ALDH9A1: variants seen among roughly 807,000 people sequenced by gnomAD.
The protein encoded by ALDH9A1 is aldehyde dehydrogenase 9 family member A1.
ALDH9A1 carries 42 observed loss-of-function variants against 56.6 expected under a neutral mutation model. The observed-to-expected ratio is 0.74, with a 90% confidence interval of 0.58 to 0.96. ALDH9A1 has a LOEUF of 0.96. Among genes scored for constraint, ALDH9A1 ranks in the 40% least tolerant of loss-of-function variants. The pLI is 0.00. For missense variants in ALDH9A1, 661 were observed against 651.5 expected (o/e 1.01, Z -0.16); for synonymous variants, 242 against 236.0 (o/e 1.03, Z -0.23).
chr1:165,695,188 C>A, intron 2 of ALDH9A1, 64 bp downstream of exon 2: 1 of 1,497,272 alleles, frequency 6.7e-7, no homozygotes, highest in Non-Finnish European at 8.9e-7. Flanking sequence ...AGTCGAACTG[C>A]AAACATCACA....
intron 6 of ALDH9A1, among the ~76,000 whole-genome samples, chr1:165,675,550 G>T (rs984861166): frequency 6.6e-6 from 1 of 152,176 alleles, no homozygotes; most frequent in Admixed American, 6.5e-5. Flanking sequence ...AAACTGGGTG[G>T]GAAGGAGGCA....
chr1:165,664,954 T>C, intron 10 of ALDH9A1, 64 bp downstream of exon 10: 9 of 1,270,726 alleles, frequency 7.1e-6, no homozygotes, highest in Non-Finnish European at 1.0e-5. Flanking sequence ...TACTGGTTTA[T>C]AAGGTCTGAA....
At position 165,698,537 on chromosome 1, in the gene ALDH9A1, C is replaced by A. The variant is rs776047033; in HGVS notation, c.22G>T (p.Ala8Ser). 6.2e-6 allele frequency: 10 copies of A among 1,609,266 alleles called. No individual in the cohort carries two copies. The highest frequency in any genetic ancestry group is 7.6e-6 in the Non-Finnish European group (9 of 1,178,476). The change falls in exon 1 of 11, where the codon GCC becomes TCC. Residue 8 changes from alanine to serine, a missense_variant. Ala to Ser is a moderately conservative substitution (Grantham distance 99). Transcript: ENST00000354775. ...CTGCGAAGAAGCGGGGAGAGCGCGGCCAGGCCTGCTCGGAGAAACATGAGT... is the reference window on the plus strand; with the variant it reads ...CTGCGAAGAAGCGGGGAGAGCGCGGACAGGCCTGCTCGGAGAAACATGAGT... MFLRAGLAALSPLLRSLR... is the reference protein window; with the variant it reads MFLRAGLSALSPLLRSLR...
chr1:165,683,581 GA>G lies in ALDH9A1; in HGVS notation c.328-472del, dbSNP rs1649621470. Among the ~76,000 whole-genome samples, 4 of 152,294 alleles carry G rather than the reference GA, an allele frequency of 2.6e-5. No homozygotes were observed. In the South Asian group the frequency reaches 8.3e-4, roughly 32 times the overall value. ...GTATGTTTGCTCATATATGGTAAGA[GA>G]AAACAGTTCTTAGGGAAATTATACA... On this transcript the variant is annotated intron_variant, in intron 2 of 10. Coordinates refer to ENST00000354775, the MANE Select transcript of ALDH9A1 (RefSeq NM_000696.4).
intron 6 of ALDH9A1, chr1:165,671,467 G>A (rs148988430): frequency 3.9e-4 from 174 of 447,140 alleles, no homozygotes; most frequent in African/African-American, 2.8e-3. Flanking sequence ...GCACAAGTAC[G>A]ATTTGTGACA....
chr1:165,698,390 C>G lies in ALDH9A1; in HGVS notation c.169G>C (p.Glu57Gln), dbSNP rs774086531. ...TCGTTGCAGTTACCGGTTGCTGGCT[C>G]GAAAGCTTTCTCGGTACCGGAGGCG... is the stretch of plus-strand genomic sequence containing the variant. ...ADASGTEKAF[E>Q]PATGRVIATF... The change falls in exon 1 of 11, where the codon GAG becomes CAG. Residue 57 changes from glutamate to glutamine, a missense_variant. Coordinates refer to ENST00000354775, the MANE Select transcript of ALDH9A1 (RefSeq NM_000696.4). The G allele has an allele frequency of 2.5e-6, 4 of 1,593,682 alleles. No homozygotes were observed. The highest frequency in any genetic ancestry group is 3.4e-6 in the Non-Finnish European group (4 of 1,171,882).
intron 1 of ALDH9A1, among the ~76,000 whole-genome samples, chr1:165,697,828 A>C (rs1245954334): frequency 6.6e-6 from 1 of 152,194 alleles, no homozygotes; most frequent in Non-Finnish European, 1.5e-5. Context: ...CAGGAGTTCG[A>C]GACCAGCCTG....
chr1:165,662,433 T>A lies in ALDH9A1; in HGVS notation c.*617A>T, dbSNP rs12670. ...ACAGAATTTGACCCCATCTATTATC[T>A]AATCCCCTCCCTATCCCAGTTGTCA... On this transcript the variant is annotated 3_prime_UTR_variant, in exon 11 of 11. Transcript: ENST00000354775. 6.6e-6 allele frequency: 1 copy of A among 152,268 alleles called. No individual in the cohort carries two copies. Among genetic ancestry groups the A allele is most frequent in the Non-Finnish European group, 1.5e-5 (1 of 68,252 alleles). 9.4% of individuals were successfully genotyped at this position (152,268 alleles called of 1,614,324 possible). A position where few individuals can be genotyped will look rare whatever the true frequency, so the allele number is the denominator to read the frequency against.
At chr1:165,695,116 A>G (rs1177486634) in intron 2 of ALDH9A1, 136 bp downstream of exon 2, 3 of 970,420 alleles carry the variant, frequency 3.1e-6, no homozygotes, top group Non-Finnish European at 4.4e-6. Flanking sequence ...TTATATACTA[A>G]GGTGAGCATG....
intron 1 of ALDH9A1, among the ~76,000 whole-genome samples, chr1:165,696,429 G>C (rs548308307): frequency 2.6e-5 from 4 of 152,226 alleles, no homozygotes; most frequent in East Asian, 3.9e-4. Context: ...AAAGTAATCA[G>C]TCTATTGGGT....
At chr1:165,686,800 A>G (rs1332308065) in intron 2 of ALDH9A1, among the ~76,000 whole-genome samples, 1 of 152,210 alleles carries the variant, frequency 6.6e-6, no homozygotes, top group East Asian at 1.9e-4. Context: ...ACTAGAGATC[A>G]TATGTCTAGT....
At chr1:165,663,188 G>A in intron 10 of ALDH9A1, 44 bp from the exon 11 acceptor site, 1 of 1,473,678 alleles carries the variant, frequency 6.8e-7, no homozygotes, top group Non-Finnish European at 9.5e-7. Flanking sequence ...CACTACAATA[G>A]TCTGAAAAGT....
intron 8 of ALDH9A1, among the ~76,000 whole-genome samples, chr1:165,667,737 C>G (rs530286440): frequency 1.1e-3 from 174 of 152,246 alleles, no homozygotes; most frequent in Non-Finnish European, 1.6e-3. Flanking sequence ...AGGTTTTCAG[C>G]TTTTAAATGT....
intron 6 of ALDH9A1, among the ~76,000 whole-genome samples, chr1:165,675,152 G>A (rs1407756963): frequency 2.0e-5 from 3 of 152,072 alleles, no homozygotes; most frequent in Non-Finnish European, 4.4e-5. Context: ...CCAAGATCGT[G>A]TCACTGCACT....
intron 4 of ALDH9A1, among the ~76,000 whole-genome samples, chr1:165,681,265 C>T (rs1408558141): frequency 3.3e-5 from 5 of 152,206 alleles, no homozygotes; most frequent in Non-Finnish European, 5.9e-5. Context: ...CTCACATTTG[C>T]ATATCTAGGC....
intron 2 of ALDH9A1, among the ~76,000 whole-genome samples, chr1:165,693,065 C>T (rs1649946392): frequency 6.6e-6 from 1 of 151,872 alleles, no homozygotes; most frequent in Non-Finnish European, 1.5e-5. Flanking sequence ...AAAATTAATT[C>T]AAGATGGATT....
rs534041560 is a variant in ALDH9A1 at position 165,698,527 on chromosome 1, G to T, written c.32C>A (p.Ser11Tyr). 4 of 1,610,468 alleles carry T rather than the reference G, an allele frequency of 2.5e-6. No individual in the cohort carries two copies. The South Asian group carries it at 3.3e-5, about 13-fold the overall frequency. The change falls in exon 1 of 11, where the codon TCC becomes TAC. Residue 11 changes from serine (S) to tyrosine (Y), a missense_variant. Coordinates refer to ENST00000354775, the MANE Select transcript of ALDH9A1 (RefSeq NM_000696.4). ...GGGCCGAAGACTGCGAAGAAGCGGG[G>T]AGAGCGCGGCCAGGCCTGCTCGGAG... MFLRAGLAAL[S>Y]PLLRSLRPSP...
rs771845262 is a variant in ALDH9A1, at chr1:165,698,532, C to G, written c.27G>C (p.Ala9=). ...GAAGACTGCGAAGAAGCGGGGAGAG[C>G]GCGGCCAGGCCTGCTCGGAGAAACA... MFLRAGLA[A]LSPLLRSLRP... The change falls in exon 1 of 11, where the codon GCG becomes GCC. Residue 9 remains alanine (A), a synonymous_variant. Coordinates refer to ENST00000354775, the MANE Select transcript of ALDH9A1 (RefSeq NM_000696.4). 77 of 1,608,994 alleles carry G rather than the reference C, an allele frequency of 4.8e-5. 1 individual carries two copies. The highest frequency in any genetic ancestry group is 5.3e-5 in the Non-Finnish European group (62 of 1,178,408).
At chr1:165,672,937 CAAAAAATAAAAAAAT>C (rs535600028) in intron 6 of ALDH9A1, among the ~76,000 whole-genome samples, 209 of 140,534 alleles carry the variant, frequency 1.5e-3, no homozygotes, top group African/African-American at 5.3e-3. Context: ...ATCCTGTCTC[CAAAAAATAAAAAAAT>C]AAAAAATAAA....
Sources: allele counts gnomAD v4.1 joint callset (sites outside exome capture counted in the v4.1 genomes callset), GRCh38; gene constraint gnomAD v4.1.1; transcripts MANE v1.5; gene names NCBI Gene and HGNC (gene_info 2026-07-23, HGNC 2026-07-21).